The following QDPR variants were observed in gnomAD, a reference collection of about 807,000 sequenced individuals.
The protein encoded by QDPR is dihydropteridine reductase.
In QDPR, 23 loss-of-function variants were observed where a neutral mutation model predicts 31.7. That is an observed-to-expected ratio of 0.73 (90% CI 0.52 to 1.03). The LOEUF (loss-of-function observed/expected upper bound fraction) is 1.03. Ranked by LOEUF, QDPR falls within the 50% of genes least tolerant of loss-of-function variation. The pLI, the probability that QDPR is intolerant of heterozygous loss-of-function variation, is 0.00. For missense variants in QDPR, 324 were observed against 323.8 expected (o/e 1.00, Z 0.00); for synonymous variants, 124 against 124.7 (o/e 0.99, Z 0.03).
chr4:17,511,511 T>A (rs10028346), intron 1 of QDPR, among the ~76,000 whole-genome samples: 5,518 of 152,288 alleles, frequency 0.036, 337 homozygotes, highest in African/African-American at 0.13. Flanking sequence ...CAACTCTCAC[T>A]GTCAGAATCT....
At chr4:17,507,602 CT>C (rs5856426) in intron 2 of QDPR, among the ~76,000 whole-genome samples, 58,444 of 143,556 alleles carry the variant, frequency 0.41, 11,499 homozygotes, top group East Asian at 0.51. Context: ...ATTTTTCTTT[CT>C]TTTTTTTTTT....
At chr4:17,494,020 G>C (rs1163444769) in intron 4 of QDPR, among the ~76,000 whole-genome samples, 1 of 152,090 alleles carries the variant, frequency 6.6e-6, no homozygotes, top group Non-Finnish European at 1.5e-5. Context: ...CAAATCAATA[G>C]AAGTAATGTG....
intron 2 of QDPR, among the ~76,000 whole-genome samples, chr4:17,505,833 G>A (rs1479586714): frequency 6.6e-6 from 1 of 152,190 alleles, no homozygotes; most frequent in African/African-American, 2.4e-5. Flanking sequence ...TTGGGGGTAT[G>A]GTGGAGAAGG....
chr4:17,491,013 G>A (rs1718145745), intron 5 of QDPR, among the ~76,000 whole-genome samples: 1 of 152,084 alleles, frequency 6.6e-6, no homozygotes, highest in Non-Finnish European at 1.5e-5. Context: ...AAAACAGAAG[G>A]AGCCACATTT....
chr4:17,490,691 G>C lies in QDPR; in HGVS notation c.600C>G (p.Ser200Arg), dbSNP rs112242659. 182 of 1,614,040 alleles carry C rather than the reference G, an allele frequency of 1.1e-4. No individual in the cohort carries two copies. The African/African-American group carries it at 1.9e-3, about 17-fold the overall frequency. The change falls in exon 6 of 7, where the codon AGC (serine) becomes AGG (arginine). Residue 200 changes from serine (S) to arginine (R), a missense_variant. By Grantham distance (110) the Ser-to-Arg change is moderately radical. Transcript: ENST00000281243. ...NRKSMPEADF[S>R]SWTPLEFLVE... ...CTAGGAATTCTAAGGGTGTCCAGGA[G>C]CTGAAGTCAGCCTCAGGCATTGATT...
chr4:17,488,983 C>G (rs1718065750), intron 6 of QDPR, among the ~76,000 whole-genome samples: 1 of 152,176 alleles, frequency 6.6e-6, no homozygotes. Context: ...GTTGGTTACA[C>G]ATGTTTTTTT....
chr4:17,501,887 C>A, intron 3 of QDPR, 28 bp from the exon 4 acceptor site: 1 of 1,613,638 alleles, frequency 6.2e-7, no homozygotes. Flanking sequence ...GTGGGCTCAG[C>A]ATTCCCAGGA....
At chr4:17,501,527 A>C (rs1560312852) in intron 4 of QDPR, among the ~76,000 whole-genome samples, 192 bp downstream of exon 4, 2 of 152,164 alleles carry the variant, frequency 1.3e-5, no homozygotes, top group African/African-American at 2.4e-5. Flanking sequence ...CATAAACATA[A>C]GGACAGGCAA....
At chr4:17,511,803 G>A in intron 1 of QDPR, 147 bp downstream of exon 1, 1 of 771,570 alleles carries the variant, frequency 1.3e-6, no homozygotes, top group Non-Finnish European at 2.1e-6. Flanking sequence ...GAATAGACGC[G>A]TAGACCTGTG....
intron 3 of QDPR, among the ~76,000 whole-genome samples, chr4:17,502,143 G>A (rs1718587706): frequency 2.0e-5 from 3 of 152,138 alleles, no homozygotes; most frequent in Admixed American, 1.3e-4. Context: ...TGCTGGACTG[G>A]CTTTAATTCA....
chr4:17,492,712 C>A (rs1309105301), intron 4 of QDPR, among the ~76,000 whole-genome samples: 1 of 152,184 alleles, frequency 6.6e-6, no homozygotes, highest in African/African-American at 2.4e-5. Flanking sequence ...GGTGTACTTA[C>A]TATTCATCTA....
At chr4:17,492,856 C>T (rs1049686305) in intron 4 of QDPR, among the ~76,000 whole-genome samples, 12 of 152,100 alleles carry the variant, frequency 7.9e-5, no homozygotes, top group Non-Finnish European at 1.8e-4. Context: ...AGGTTAAAGC[C>T]CAGGCAAGAA....
At chr4:17,493,936 G>A (rs879166288) in intron 4 of QDPR, among the ~76,000 whole-genome samples, 2 of 152,102 alleles carry the variant, frequency 1.3e-5, no homozygotes, top group African/African-American at 2.4e-5. Flanking sequence ...GGCTCATAAC[G>A]ACACACAGGA....
intron 2 of QDPR, 113 bp downstream of exon 2, chr4:17,509,158 G>C (rs377050031): frequency 4.6e-6 from 4 of 870,256 alleles, no homozygotes; most frequent in Admixed American, 4.0e-5. Context: ...ACTCCGTCTC[G>C]GGGAAAAAAA....
At chr4:17,505,372 GAGT>G (rs1277688700) in intron 2 of QDPR, among the ~76,000 whole-genome samples, 1 of 149,882 alleles carries the variant, frequency 6.7e-6, no homozygotes, top group Admixed American at 6.8e-5. Context: ...TCAGCTTCCT[GAGT>G]AGCCGGGATT....
chr4:17,496,578 T>C (rs1417060460), intron 4 of QDPR, among the ~76,000 whole-genome samples: 3 of 151,586 alleles, frequency 2.0e-5, no homozygotes, highest in Non-Finnish European at 4.4e-5. Flanking sequence ...ATTTAATCTA[T>C]GATGAAGTGA....
intron 4 of QDPR, among the ~76,000 whole-genome samples, chr4:17,497,015 C>T: frequency 6.6e-6 from 1 of 152,096 alleles, no homozygotes; most frequent in East Asian, 1.9e-4. Flanking sequence ...TCCCAAAGTG[C>T]TGGGATTACA....
intron 2 of QDPR, among the ~76,000 whole-genome samples, chr4:17,508,539 T>A (rs912781680): frequency 8.0e-5 from 12 of 150,342 alleles, no homozygotes; most frequent in Non-Finnish European, 1.8e-4. Context: ...AAATGTACAA[T>A]AAACAAACTA....
At chr4:17,487,990 T>C (rs909759935) in intron 6 of QDPR, among the ~76,000 whole-genome samples, 1 of 152,270 alleles carries the variant, frequency 6.6e-6, no homozygotes, top group African/African-American at 2.4e-5. Context: ...TGGCCAGGCG[T>C]GGTGGCTCAC....
Sources: gnomAD v4.1 joint callset for allele counts (sites outside exome capture counted in the v4.1 genomes callset) on GRCh38, gnomAD v4.1.1 for gene constraint, MANE v1.5 for transcripts, NCBI Gene and HGNC (gene_info 2026-07-23, HGNC 2026-07-21) for gene names.